The following MEF2A variants were observed in gnomAD, a reference collection of about 807,000 sequenced individuals.
MEF2A encodes myocyte enhancer factor 2A, also known as myocyte-specific enhancer factor 2A.
In MEF2A, 28 loss-of-function variants were observed where a neutral mutation model predicts 55.8. The observed-to-expected ratio is 0.50, with a 90% CI of 0.37 to 0.69. The LOEUF (loss-of-function observed/expected upper bound fraction) is 0.69. MEF2A is among the 30% of genes least tolerant of loss of function. The probability of loss-of-function intolerance (pLI) is 0.00; values close to 1 mark genes in which losing one functional copy is unlikely to be tolerated. For synonymous variants in MEF2A, 239 were observed against 227.1 expected, an observed-to-expected ratio of 1.05 and a Z score of -0.47; for missense variants, 528 against 626.2, an observed-to-expected ratio of 0.84 and a Z score of 1.67.
chr15:99,612,425 A>G (rs942429707), intron 2 of MEF2A, among the ~76,000 whole-genome samples: 1 of 152,096 alleles, frequency 6.6e-6, no homozygotes, highest in African/African-American at 2.4e-5. Flanking sequence ...CAAAAAAACA[A>G]ACAAAACACT....
At chr15:99,697,961 G>C (rs2056754921) in intron 8 of MEF2A, among the ~76,000 whole-genome samples, 1 of 152,124 alleles carries the variant, frequency 6.6e-6, no homozygotes, top group Admixed American at 6.6e-5. Context: ...AGGTAGTAAG[G>C]CAATTCAACA....
intron 2 of MEF2A, among the ~76,000 whole-genome samples, chr15:99,618,408 C>G (rs12101537): frequency 0.014 from 2,111 of 152,132 alleles, 57 homozygotes; most frequent in African/African-American, 0.049. Flanking sequence ...CTGAATTGAT[C>G]CTGTTACTGA....
intron 3 of MEF2A, among the ~76,000 whole-genome samples, chr15:99,640,590 T>C (rs1299359078): frequency 2.7e-5 from 4 of 148,798 alleles, no homozygotes; most frequent in African/African-American, 5.0e-5. Flanking sequence ...AGGGTCTTGC[T>C]CTGTCACCCA....
intron 1 of MEF2A, among the ~76,000 whole-genome samples, chr15:99,590,031 T>TA (rs1477302230): frequency 1.3e-5 from 2 of 152,094 alleles, no homozygotes; most frequent in African/African-American, 4.8e-5. Flanking sequence ...GTTCAGGTCT[T>TA]ATACATCTTC....
chr15:99,669,163 C>G (rs529659825), intron 4 of MEF2A, among the ~76,000 whole-genome samples: 1 of 152,280 alleles, frequency 6.6e-6, no homozygotes, highest in African/African-American at 2.4e-5. Flanking sequence ...GAGATATATA[C>G]TTGGTGATTG....
At chr15:99,565,480 G>C (rs1959163104), upstream of MEF2A, 3 of 150,192 alleles carry the variant, frequency 2.0e-5, no homozygotes, top group African/African-American at 7.3e-5. Flanking sequence ...TGGTCAGGGA[G>C]GTGGCGGCGG....
intron 2 of MEF2A, among the ~76,000 whole-genome samples, chr15:99,602,498 A>G (rs912244326): frequency 5.9e-5 from 9 of 152,000 alleles, no homozygotes; most frequent in African/African-American, 1.9e-4. Context: ...CCAACTCCTG[A>G]GATGTTATAG....
At chr15:99,632,740 G>A (rs1020406312) in intron 2 of MEF2A, among the ~76,000 whole-genome samples, 8 of 152,152 alleles carry the variant, frequency 5.3e-5, no homozygotes, top group Non-Finnish European at 7.4e-5. Context: ...TATACATTGA[G>A]AAAACCTCAA....
At chr15:99,567,626 A>AGTGTGT (rs1567124507) in intron 1 of MEF2A, among the ~76,000 whole-genome samples, 1 of 122,014 alleles carries the variant, frequency 8.2e-6, no homozygotes, top group African/African-American at 3.3e-5. Flanking sequence ...TTTTGTATGT[A>AGTGTGT]CTGTGTGTGT....
chr15:99,589,907 T>A (rs1233435333), intron 1 of MEF2A, among the ~76,000 whole-genome samples: 2 of 152,150 alleles, frequency 1.3e-5, no homozygotes, highest in African/African-American at 4.8e-5. Flanking sequence ...TCTTGTTTTA[T>A]GGTCCAGCAT....
At chr15:99,635,366 C>T (rs1365871647) in intron 3 of MEF2A, among the ~76,000 whole-genome samples, 1 of 152,198 alleles carries the variant, frequency 6.6e-6, no homozygotes, top group East Asian at 1.9e-4. Flanking sequence ...GTATCATAGA[C>T]TTAAAGAGCT....
chr15:99,565,623 A>T (rs2152609644), upstream of MEF2A: 1 of 152,044 alleles, frequency 6.6e-6, no homozygotes, highest in African/African-American at 2.4e-5. Context: ...GCGAGCTCCA[A>T]CCCGCGGCCC....
At chr15:99,609,375 T>G (rs1442441835) in intron 2 of MEF2A, among the ~76,000 whole-genome samples, 2 of 152,356 alleles carry the variant, frequency 1.3e-5, no homozygotes, top group East Asian at 3.9e-4. Flanking sequence ...GTGTGAGTAT[T>G]TGTAGGGTAT....
chr15:99,568,780 G>T (rs938459960), intron 1 of MEF2A, among the ~76,000 whole-genome samples: 4 of 152,098 alleles, frequency 2.6e-5, no homozygotes, highest in African/African-American at 9.7e-5. Context: ...GGATTTGGGG[G>T]CATTTCTAAT....
At chr15:99,633,762 T>C (rs1478845169) in intron 3 of MEF2A, among the ~76,000 whole-genome samples, 1 of 151,832 alleles carries the variant, frequency 6.6e-6, no homozygotes, top group African/African-American at 2.4e-5. Context: ...TGCTGGTATA[T>C]GAAGAGGCCA....
intron 8 of MEF2A, among the ~76,000 whole-genome samples, chr15:99,701,912 G>C (rs1016319654): frequency 3.3e-5 from 5 of 152,192 alleles, no homozygotes; most frequent in Non-Finnish European, 7.3e-5. Context: ...TGCCAATTTA[G>C]AGACAAACTC....
At chr15:99,706,914 G>C in intron 10 of MEF2A, 59 bp downstream of exon 10, 1 of 1,538,344 alleles carries the variant, frequency 6.5e-7, no homozygotes, top group Non-Finnish European at 8.8e-7. Flanking sequence ...TGATCAACGT[G>C]TGCTTCTGTG....
chr15:99,673,349 G>A (rs543159307), intron 5 of MEF2A, among the ~76,000 whole-genome samples: 9 of 152,144 alleles, frequency 5.9e-5, no homozygotes, highest in African/African-American at 1.9e-4. Context: ...CAAAGATATC[G>A]CACAAATAAA....
In MEF2A at chr15:99,716,256, G is replaced by C. The variant is rs1207061618; in HGVS notation, c.*3485G>C. 2.4e-5 allele frequency: 8 copies of C among 336,410 alleles called. No homozygotes were observed. Among genetic ancestry groups the C allele is most frequent in the Non-Finnish European group, 4.7e-5 (8 of 169,950 alleles). 20.8% of individuals were successfully genotyped at this position (336,410 alleles called of 1,614,324 possible). On this transcript the variant is annotated 3_prime_UTR_variant, in exon 12 of 12. Coordinates refer to ENST00000557942, the MANE Select transcript of MEF2A (RefSeq NM_001319206.4). ...TCACACAAGAAGCTGTACACGGTTT[G>C]ATCATGTAAAACCGTTTGGCGGCAC...
Sources: gnomAD v4.1 joint callset for allele counts (sites outside exome capture counted in the v4.1 genomes callset) on GRCh38, gnomAD v4.1.1 for gene constraint, MANE v1.5 for transcripts, NCBI Gene and HGNC (gene_info 2026-07-23, HGNC 2026-07-21) for gene names.